UBR2: variants seen among roughly 807,000 people sequenced by gnomAD.
UBR2 encodes the protein E3 ubiquitin-protein ligase UBR2.
UBR2 carries 92 observed loss-of-function variants against 247.9 expected under a neutral mutation model. That is an observed-to-expected ratio of 0.37 (90% confidence interval 0.31 to 0.44). The LOEUF (loss-of-function observed/expected upper bound fraction) is 0.44. Ranked by LOEUF, UBR2 falls within the 20% of genes least tolerant of loss-of-function variation. UBR2 has a pLI of 1.00. For synonymous variants in UBR2, 672 were observed against 693.5 expected, an observed-to-expected ratio of 0.97 and a Z score of 0.49; for missense variants, 1,613 against 2,112.6, an observed-to-expected ratio of 0.76 and a Z score of 4.64.
At chr6:42,565,822 A>G (rs576068318) in intron 1 of UBR2, among the ~76,000 whole-genome samples, 2 of 152,156 alleles carry the variant, frequency 1.3e-5, no homozygotes, top group South Asian at 4.1e-4. Flanking sequence ...GGCCTCCCAA[A>G]GTGCTGGGAT....
At chr6:42,575,275 T>C (rs1791432494) in intron 2 of UBR2, among the ~76,000 whole-genome samples, 1 of 152,214 alleles carries the variant, frequency 6.6e-6, no homozygotes, top group Non-Finnish European at 1.5e-5. Context: ...TCTGGTTATC[T>C]ATGGTAGTTT....
chr6:42,580,714 T>C (rs1791829566), intron 2 of UBR2, among the ~76,000 whole-genome samples: 1 of 152,262 alleles, frequency 6.6e-6, no homozygotes, highest in East Asian at 1.9e-4. Flanking sequence ...TAATTTGTTT[T>C]GTATTTGTAG....
chr6:42,675,754 G>A (rs1217074506), intron 38 of UBR2, among the ~76,000 whole-genome samples: 2 of 152,186 alleles, frequency 1.3e-5, no homozygotes, highest in African/African-American at 4.8e-5. Flanking sequence ...GAGGTCAGGA[G>A]TTCGAGACCA....
intron 11 of UBR2, among the ~76,000 whole-genome samples, chr6:42,622,405 G>GTTTTTTTTTTTTTTTTT (rs112798050): frequency 5.6e-4 from 77 of 138,736 alleles, no homozygotes; most frequent in African/African-American, 1.9e-3. Context: ...TTTTTGGTGG[G>GTTTTTTTTTTTTTTTTT]TTTTTTTTTT....
intron 34 of UBR2, among the ~76,000 whole-genome samples, chr6:42,669,312 A>C (rs991756329): frequency 6.6e-6 from 1 of 152,050 alleles, no homozygotes; most frequent in Non-Finnish European, 1.5e-5. Context: ...TTGGTATATG[A>C]ATCTTTTTTT....
rs1278766096 is a variant in UBR2, at chr6:42,626,047, C to T, written c.1282-6505C>T. ...GCCAGGATGGTCTCGATCTCCTGACCTCGTGATCTGCCTGCCTCAGCCTCC... is the reference window on the plus strand; with the variant it reads ...GCCAGGATGGTCTCGATCTCCTGACTTCGTGATCTGCCTGCCTCAGCCTCC... On this transcript the variant is annotated intron_variant, in intron 11 of 46. Transcript: ENST00000372901. Among the ~76,000 whole-genome samples, 3 of 152,098 alleles carry T rather than the reference C, an allele frequency of 2.0e-5. No homozygotes were observed. The South Asian group carries it at 6.2e-4, about 32-fold the overall frequency.
rs1194436874 is a variant in UBR2, at chr6:42,602,027, C to T, written c.532-1561C>T. Among the ~76,000 whole-genome samples the T allele has an allele frequency of 3.0e-4, 28 of 93,396 alleles. 4 individuals are homozygous for T. Among genetic ancestry groups the T allele is most frequent in the South Asian group, 1.1e-3 (3 of 2,844 alleles). 61.3% of individuals were successfully genotyped at this position (93,396 alleles called of 152,430 possible). A position where few individuals can be genotyped will look rare whatever the true frequency, so the allele number is the denominator to read the frequency against. ...TGGGATTACAGGCACCACCACCACA[C>T]TCAACTAACTTTTATATTTTTAGTA... On this transcript the variant is annotated intron_variant, in intron 4 of 46. Coordinates refer to ENST00000372901, the MANE Select transcript of UBR2 (RefSeq NM_001363705.2).
intron 40 of UBR2, among the ~76,000 whole-genome samples, chr6:42,678,068 A>G (rs948792059): frequency 6.6e-6 from 1 of 151,874 alleles, no homozygotes; most frequent in Non-Finnish European, 1.5e-5. Flanking sequence ...AATTTTAATA[A>G]CATCACACCT....
Position 42,678,606 on chromosome 6 carries a change from C to A in UBR2, c.4546C>A (p.Leu1516Met), listed in dbSNP as rs973347247. 1.2e-6 allele frequency: 2 copies of A among 1,613,852 alleles called. No homozygotes were observed. The highest frequency in any genetic ancestry group is 1.7e-6 in the Non-Finnish European group (2 of 1,179,912). Residue 1516 changes from leucine to methionine, a missense_variant, in exon 41 of 47, where the codon CTG (leucine) becomes ATG (methionine). Coordinates refer to ENST00000372901, the MANE Select transcript of UBR2 (RefSeq NM_001363705.2). ...TGTCAGAGCTGGAATCATGCCTTTC[C>A]TGAAGTGTTCTGCTTTATTTTTTCA... ...RSVRAGIMPF[L>M]KCSALFFHYL...
At chr6:42,615,935 A>T in intron 9 of UBR2, 67 bp from the exon 10 acceptor site, 2 of 1,203,668 alleles carry the variant, frequency 1.7e-6, no homozygotes, top group South Asian at 1.6e-5. Context: ...ACTGTGGATC[A>T]CATAACACTT....
Position 42,564,316 on chromosome 6 carries a change from G to A in UBR2, c.-4G>A. ...GGTAGCGCTGGGGAGGAGGAGGAGA[G>A]AAGATGGCGTCGGAGCTAGAGCCAG... On this transcript the variant is annotated 5_prime_UTR_variant, in exon 1 of 47. Coordinates refer to ENST00000372901, the MANE Select transcript of UBR2 (RefSeq NM_001363705.2). 5.0e-6 allele frequency: 8 copies of A among 1,609,524 alleles called. No homozygotes were observed. The highest frequency in any genetic ancestry group is 2.7e-5 in the African/African-American group (2 of 75,004).
rs906831224 is a variant in UBR2 at position 42,684,818 on chromosome 6, A to G, written c.4800A>G (p.Leu1600=). 2 of 1,610,378 alleles carry G rather than the reference A, an allele frequency of 1.2e-6. No homozygotes were observed. Among genetic ancestry groups the G allele is most frequent in the African/African-American group, 2.7e-5 (2 of 74,812 alleles). Residue 1600 remains leucine (L), a synonymous_variant, in exon 44 of 47, where the codon TTA becomes TTG. Transcript: ENST00000372901. ...GATATCCAAGAGAATCTAACAAATT[A>G]ATAAACCTTCCAGAGGATTACAGCA... ...AIRYPRESNK[L]INLPEDYSSL...
In UBR2 at chr6:42,670,114, A is replaced by G. The variant is rs1350641702; in HGVS notation, c.3904A>G (p.Lys1302Glu). ...RPKIPYSESI[K>E]EMLTTFGTAT... Reference sequence around the variant, plus strand: ...CAGGATCCCTTATTCTGAGAGCATAAAAGAAATGCTAACGACATTTGGAAC... The same window carrying G: ...CAGGATCCCTTATTCTGAGAGCATAGAAGAAATGCTAACGACATTTGGAAC... The change falls in exon 35 of 47, where the codon AAA becomes GAA. Residue 1302 changes from lysine to glutamate, a missense_variant. By Grantham distance (56) the Lys-to-Glu change is moderately conservative. Transcript: ENST00000372901. 8.7e-6 allele frequency: 14 copies of G among 1,614,072 alleles called. No homozygotes were observed. The highest frequency in any genetic ancestry group is 1.1e-5 in the Non-Finnish European group (13 of 1,180,016).
intron 21 of UBR2, among the ~76,000 whole-genome samples, chr6:42,647,417 T>TAAAA (rs750938791): frequency 0.011 from 1,142 of 102,058 alleles, 22 homozygotes; most frequent in East Asian, 0.025. Context: ...CCATCGCTAC[T>TAAAA]AAAAAAAAAA....
chr6:42,648,099 T>C lies in UBR2; in HGVS notation c.2410-19T>C. On this transcript the variant is annotated intron_variant, in intron 21 of 46. Coordinates refer to ENST00000372901, the MANE Select transcript of UBR2 (RefSeq NM_001363705.2). ...TAGTTATTATTAACATGAAACACACTTGTGTCCTGTACCTTTAGGAGAACA... is the reference window on the plus strand; with the variant it reads ...TAGTTATTATTAACATGAAACACACCTGTGTCCTGTACCTTTAGGAGAACA... 2 of 1,610,384 alleles carry C rather than the reference T, an allele frequency of 1.2e-6. No individual in the cohort carries two copies. The highest frequency in any genetic ancestry group is 1.7e-5 in the Admixed American group (1 of 59,894).
intron 7 of UBR2, among the ~76,000 whole-genome samples, chr6:42,610,854 T>A (rs961888832): frequency 6.6e-6 from 1 of 151,888 alleles, no homozygotes; most frequent in Non-Finnish European, 1.5e-5. Context: ...TTACCTTTTT[T>A]TTTTTTTTGA....
At chr6:42,662,397 A>G in intron 31 of UBR2, 120 bp downstream of exon 31, 1 of 623,668 alleles carries the variant, frequency 1.6e-6, no homozygotes. Context: ...AAAAATCCGT[A>G]TCATTGCCTA....
rs1158744085 is a variant in UBR2, at chr6:42,672,852, G to T, written c.4087-939G>T. Among the ~76,000 whole-genome samples the T allele has an allele frequency of 2.0e-5, 3 of 152,068 alleles. No homozygotes were observed. The East Asian group carries it at 5.8e-4, about 29-fold the overall frequency. On this transcript the variant is annotated intron_variant, in intron 36 of 46. Coordinates refer to ENST00000372901, the MANE Select transcript of UBR2 (RefSeq NM_001363705.2). ...TTAAGCTCTTTGAGAGCAGGAGGGG[G>T]AGAATGGGTTTTATTTGAAGATCTT... is the stretch of plus-strand genomic sequence containing the variant.
chr6:42,579,124 C>T (rs1157320300), intron 2 of UBR2, among the ~76,000 whole-genome samples: 1 of 152,138 alleles, frequency 6.6e-6, no homozygotes, highest in Non-Finnish European at 1.5e-5. Context: ...AATTGGCTCA[C>T]AGTTCTGCAA....
Sources: allele counts gnomAD v4.1 joint callset (sites outside exome capture counted in the v4.1 genomes callset), GRCh38; gene constraint gnomAD v4.1.1; transcripts MANE v1.5; gene names NCBI Gene and HGNC (gene_info 2026-07-23, HGNC 2026-07-21).